The following RELN variants were observed in gnomAD, a reference collection of about 807,000 sequenced individuals.
RELN encodes reelin.
In RELN, 108 loss-of-function variants were observed where a neutral mutation model predicts 427.6. The ratio of observed to expected loss-of-function variants is 0.25; its 90% CI spans 0.22 to 0.30. The LOEUF is 0.30. RELN is among the 10% of genes least tolerant of loss of function. The probability of loss-of-function intolerance (pLI) is 1.00; values close to 1 mark genes in which losing one functional copy is unlikely to be tolerated. For synonymous variants in RELN, 1,524 were observed against 1,513.4 expected (o/e 1.01, Z -0.16); for missense variants, 3,715 against 4,302.8 (o/e 0.86, Z 3.82).
intron 2 of RELN, among the ~76,000 whole-genome samples, chr7:103,865,738 G>T (rs1794182791): frequency 6.6e-6 from 1 of 151,980 alleles, no homozygotes; most frequent in Non-Finnish European, 1.5e-5. Flanking sequence ...ACGTACAGAA[G>T]GAATTTACCT....
intron 8 of RELN, among the ~76,000 whole-genome samples, chr7:103,720,168 A>G (rs1473032003): frequency 2.0e-5 from 3 of 147,068 alleles, no homozygotes; most frequent in African/African-American, 7.6e-5. Flanking sequence ...TATATTGTAT[A>G]AACATTGTGT....
chr7:103,666,060 T>A (rs1336481464), intron 11 of RELN, among the ~76,000 whole-genome samples: 1 of 152,036 alleles, frequency 6.6e-6, no homozygotes, highest in Non-Finnish European at 1.5e-5. Context: ...ATTTTTTTAT[T>A]TTTTATTTAT....
chr7:103,899,190 A>G (rs926754174), intron 2 of RELN, among the ~76,000 whole-genome samples: 1 of 152,184 alleles, frequency 6.6e-6, no homozygotes, highest in Non-Finnish European at 1.5e-5. Flanking sequence ...TGGAAAATCT[A>G]GCAGAAATTG....
chr7:103,500,854 C>T lies in RELN; in HGVS notation c.8558G>A (p.Gly2853Asp), dbSNP rs1829003177. 1 of 1,613,886 alleles carries T rather than the reference C, an allele frequency of 6.2e-7. No homozygotes were observed. The highest frequency in any genetic ancestry group is 8.5e-7 in the Non-Finnish European group (1 of 1,179,952). ...CCTGCAGTTGTCCAAGCATCCAGGG[C>T]CCAGGTAGAAATTATCGATTGCCCA... ...MQWAIDNFYL[G>D]PGCLDNCRGH... Residue 2853 changes from glycine to aspartate, a missense_variant, in exon 53 of 65, where the codon GGC becomes GAC. Gly to Asp is a moderately conservative substitution (Grantham distance 94). This residue lies in a region of RELN where 1,310 missense variants were observed against 1,643.0 expected (regional missense o/e 0.80). Coordinates refer to ENST00000428762, the MANE Select transcript of RELN (RefSeq NM_005045.4).
intron 17 of RELN, among the ~76,000 whole-genome samples, chr7:103,637,459 G>A (rs921231450): frequency 1.3e-5 from 2 of 152,138 alleles, no homozygotes; most frequent in Admixed American, 1.3e-4. Context: ...TTGGGTCTAT[G>A]CTGGCCTTTC....
In RELN at chr7:103,640,004, T is replaced by C. The variant is rs1048886137; in HGVS notation, c.2069+539A>G. Among the ~76,000 whole-genome samples, 4 of 152,210 alleles carry C rather than the reference T, an allele frequency of 2.6e-5. No individual in the cohort carries two copies. Among genetic ancestry groups the C allele is most frequent in the Admixed American group, 2.0e-4 (3 of 15,276 alleles). The stretch of plus-strand genomic sequence containing the variant: ...ATTATTAATGTATAATTTCAGACTT[T>C]ATATTCAACAGCATTGTTTTGTAAA... On this transcript the variant is annotated intron_variant, in intron 17 of 64. Coordinates refer to ENST00000428762, the MANE Select transcript of RELN (RefSeq NM_005045.4). This position sits in a 1 kb window ranked among gnomAD's most constrained non-coding sequence, Gnocchi z 4.1.
intron 3 of RELN, among the ~76,000 whole-genome samples, chr7:103,829,691 C>T (rs1482037369): frequency 2.0e-5 from 3 of 151,934 alleles, no homozygotes; most frequent in Non-Finnish European, 4.4e-5. Flanking sequence ...AGGCCATACA[C>T]AGGCAGCCCA....
intron 2 of RELN, among the ~76,000 whole-genome samples, chr7:103,845,900 G>A (rs980321563): frequency 6.1e-5 from 9 of 147,976 alleles, no homozygotes; most frequent in Non-Finnish European, 8.9e-5. Context: ...AACATTCCAC[G>A]CTCATGGATA....
chr7:103,527,324 A>C (rs558956252), intron 46 of RELN, among the ~76,000 whole-genome samples: 1 of 152,238 alleles, frequency 6.6e-6, no homozygotes, highest in African/African-American at 2.4e-5. Context: ...AAAATATTTA[A>C]GCCTAGAAAA....
At chr7:103,914,596 C>T (rs1795442795) in intron 2 of RELN, among the ~76,000 whole-genome samples, 1 of 151,970 alleles carries the variant, frequency 6.6e-6, no homozygotes, top group Non-Finnish European at 1.5e-5. Context: ...TTACATAAAT[C>T]ACTTCCTCCT....
chr7:103,645,383 A>T (rs1395092108), intron 16 of RELN, among the ~76,000 whole-genome samples: 3 of 151,844 alleles, frequency 2.0e-5, no homozygotes, highest in Admixed American at 6.6e-5. Flanking sequence ...CTTACAAAAA[A>T]TCCCACCTAA....
intron 2 of RELN, among the ~76,000 whole-genome samples, chr7:103,881,286 C>G (rs1794601242): frequency 6.6e-6 from 1 of 152,120 alleles, no homozygotes; most frequent in African/African-American, 2.4e-5. Context: ...GCATTTGACC[C>G]TGTTGGTCAC....
In RELN at chr7:103,773,066, G is replaced by A. The variant is rs980202101; in HGVS notation, c.544+3491C>T. On this transcript the variant is annotated intron_variant, in intron 4 of 64. Transcript: ENST00000428762. ...GGGCCCTGATGTGAGGTGGATCAGC[G>A]AGAATGGGAAGGAGGAGATAGATGG... is the stretch of plus-strand genomic sequence containing the variant. 5.3e-5 allele frequency among the ~76,000 whole-genome samples: 8 copies of A among 152,092 alleles called. No homozygotes were observed. The East Asian group carries it at 9.7e-4, about 18-fold the overall frequency.
At chr7:103,870,432 T>C (rs560708770) in intron 2 of RELN, among the ~76,000 whole-genome samples, 1 of 152,146 alleles carries the variant, frequency 6.6e-6, no homozygotes, top group Non-Finnish European at 1.5e-5. Context: ...AGCTCTGCTT[T>C]ATAAAATCTT....
At chr7:103,637,498 T>C (rs1832607742) in intron 17 of RELN, among the ~76,000 whole-genome samples, 2 of 152,210 alleles carry the variant, frequency 1.3e-5, no homozygotes, top group Non-Finnish European at 2.9e-5. Flanking sequence ...AAAAATATGC[T>C]AAATCAAATG....
chr7:103,631,813 A>G (rs1370723373), intron 19 of RELN, among the ~76,000 whole-genome samples: 5 of 152,068 alleles, frequency 3.3e-5, no homozygotes, highest in Non-Finnish European at 7.4e-5. Context: ...AAGAAACTAA[A>G]TAAACTATAT....
intron 4 of RELN, among the ~76,000 whole-genome samples, chr7:103,758,855 T>C (rs1016669592): frequency 1.3e-5 from 2 of 151,752 alleles, no homozygotes; most frequent in East Asian, 3.9e-4. Context: ...ATCCAGATGA[T>C]GTTTTGGCAA....
chr7:103,760,166 T>C (rs1359862614), intron 4 of RELN, among the ~76,000 whole-genome samples: 1 of 151,906 alleles, frequency 6.6e-6, no homozygotes, highest in Non-Finnish European at 1.5e-5. Flanking sequence ...CATGGATCCT[T>C]AGATAGTATC....
chr7:103,972,894 A>ATGTGTGTGTGTGTGTGTG (rs34930399), intron 1 of RELN, among the ~76,000 whole-genome samples: 52 of 149,270 alleles, frequency 3.5e-4, no homozygotes, highest in African/African-American at 8.9e-4. Flanking sequence ...GCATATGATT[A>ATGTGTGTGTGTGTGTGTG]TGTGTGTGTG....
Sources: allele counts gnomAD v4.1 joint callset (sites outside exome capture counted in the v4.1 genomes callset), GRCh38; gene constraint gnomAD v4.1.1; regional missense constraint gnomAD v4.1.1; non-coding constraint Gnocchi (gnomAD v3.1); transcripts MANE v1.5; gene names NCBI Gene and HGNC (gene_info 2026-07-23, HGNC 2026-07-21).